The following EME1 variants were observed in gnomAD, a reference collection of about 807,000 sequenced individuals.
The protein encoded by EME1 is structure-specific endonuclease subunit EME1.
EME1 carries 61 observed loss-of-function variants against 59.1 expected under a neutral mutation model. The observed-to-expected ratio is 1.03, with a 90% CI of 0.84 to 1.28. The LOEUF (loss-of-function observed/expected upper bound fraction) is 1.28, where lower values mean the gene tolerates loss of function less well. Among genes scored for constraint, EME1 ranks in the 50% most tolerant of loss-of-function variants. EME1 has a pLI of 0.00. For missense variants in EME1, 635 were observed against 682.6 expected (o/e 0.93, Z 0.78); for synonymous variants, 230 against 254.2 (o/e 0.90, Z 0.90).
At chr17:50,376,530 A>G (rs150574313) in intron 3 of EME1, among the ~76,000 whole-genome samples, 11 of 152,308 alleles carry the variant, frequency 7.2e-5, no homozygotes, top group Non-Finnish European at 1.6e-4. Flanking sequence ...CCTGGCCACT[A>G]TCTACTAATG....
Position 50,375,790 on chromosome 17 carries a change from A to G in EME1, c.582A>G (p.Pro194=). Reference sequence around the variant, plus strand: ...CCAAAACAAATTCTGACATCCTTCCACCCCAGAAGAAAACCAAGCCGAGTC... The same window carrying G: ...CCAAAACAAATTCTGACATCCTTCCGCCCCAGAAGAAAACCAAGCCGAGTC... ...AVTKTNSDIL[P]PQKKTKPSQK... Residue 194 remains proline (P), a synonymous_variant, in exon 2 of 9, where the codon CCA becomes CCG. Transcript: ENST00000338165. 1.9e-6 allele frequency: 3 copies of G among 1,613,976 alleles called. No individual in the cohort carries two copies. Among genetic ancestry groups the G allele is most frequent in the Non-Finnish European group, 2.5e-6 (3 of 1,179,986 alleles).
In EME1 at chr17:50,375,511, A is replaced by G. The variant is rs752712544; in HGVS notation, c.303A>G (p.Thr101=). Residue 101 remains threonine (T), a synonymous_variant, in exon 2 of 9, where the codon ACA becomes ACG. Coordinates refer to ENST00000338165, the MANE Select transcript of EME1 (RefSeq NM_152463.4). ...TTATTCCTCTGGCTCAAAGGCTTAC[A>G]TGTAAGTTTCTGACCCACAAGCAAC... is the stretch of plus-strand genomic sequence containing the variant. ...EEFIPLAQRL[T]CKFLTHKQLS... 2.5e-6 allele frequency: 4 copies of G among 1,613,784 alleles called. No homozygotes were observed. Among genetic ancestry groups the G allele is most frequent in the Non-Finnish European group, 2.5e-6 (3 of 1,179,932 alleles).
At chr17:50,378,074 CT>C (rs548303320) in intron 3 of EME1, among the ~76,000 whole-genome samples, 1,677 of 140,122 alleles carry the variant, frequency 0.012, 10 homozygotes, top group African/African-American at 0.025. Context: ...TGCTATGTTC[CT>C]TTTTTTTTTT....
chr17:50,377,748 C>T (rs887500220), intron 3 of EME1, among the ~76,000 whole-genome samples: 24 of 151,834 alleles, frequency 1.6e-4, no homozygotes, highest in Non-Finnish European at 4.4e-5. Context: ...TTGCTATGTT[C>T]CTTTTTTCTC....
Position 50,377,005 on chromosome 17 carries a change from C to T in EME1, c.903+812C>T, listed in dbSNP as rs191579137. 2.6e-3 allele frequency among the ~76,000 whole-genome samples: 390 copies of T among 152,300 alleles called. 1 individual carries two copies. The highest frequency in any genetic ancestry group is 8.7e-3 in the African/African-American group (363 of 41,548). ...GCTCAAGCAATCCACCTGCCTCAGC[C>T]TCTCAAAATGCTGCGATTACAGGTG... is the stretch of plus-strand genomic sequence containing the variant. On this transcript the variant is annotated intron_variant, in intron 3 of 8. Coordinates refer to ENST00000338165, the MANE Select transcript of EME1 (RefSeq NM_152463.4).
chr17:50,375,942 C>A lies in EME1; in HGVS notation c.734C>A (p.Pro245Gln), dbSNP rs148490439. The change falls in exon 2 of 9, where the codon CCA becomes CAA. Residue 245 changes from proline to glutamine, a missense_variant. Pro to Gln is a moderately conservative substitution (Grantham distance 76). Coordinates refer to ENST00000338165, the MANE Select transcript of EME1 (RefSeq NM_152463.4). ...GTTACCAGGATGAAAGCCCAGAGGC[C>A]AGAGGAATGCTTAAAACACATCATT... ...ALVTRMKAQR[P>Q]EECLKHIIVV... The A allele has an allele frequency of 2.1e-4, 333 of 1,610,796 alleles. No individual in the cohort carries two copies. The African/African-American group carries it at 3.6e-3, about 17-fold the overall frequency.
chr17:50,380,711 G>A lies in EME1; in HGVS notation c.1537-52G>A, dbSNP rs73989349. ...GCGTAGCACCCTCCATGCTCATGGA[G>A]AAGGGATCACCATGGATGGTACCAT... On this transcript the variant is annotated intron_variant, in intron 8 of 8. Transcript: ENST00000338165. 4,541 of 1,609,176 alleles carry A rather than the reference G, an allele frequency of 2.8e-3. 106 individuals carry two copies. In the African/African-American group the frequency reaches 0.05, roughly 18 times the overall value.
In EME1 at chr17:50,380,367, G is replaced by A. The variant is rs899493741; in HGVS notation, c.1402G>A (p.Gly468Arg). 4 of 1,613,876 alleles carry A rather than the reference G, an allele frequency of 2.5e-6. No individual in the cohort carries two copies. Among genetic ancestry groups the A allele is most frequent in the Non-Finnish European group, 3.4e-6 (4 of 1,179,948 alleles). The change falls in exon 8 of 9, where the codon GGG becomes AGG. Residue 468 changes from glycine to arginine, a missense_variant. By Grantham distance (125) the Gly-to-Arg change is moderately radical. Coordinates refer to ENST00000338165, the MANE Select transcript of EME1 (RefSeq NM_152463.4). ...SFCLESDWAG[G>R]VKVDLAGRGL... ...CTGTCTGGAGAGTGACTGGGCTGGA[G>A]GGGTGAAGGTGGACCTTGCTGGCAG...
At chr17:50,377,340 T>C (rs1386753206) in intron 3 of EME1, among the ~76,000 whole-genome samples, 6 of 152,184 alleles carry the variant, frequency 3.9e-5, no homozygotes, top group Non-Finnish European at 7.3e-5. Flanking sequence ...TTAAAAGCCT[T>C]GTTGAGGATC....
intron 8 of EME1, 38 bp downstream of exon 8, chr17:50,380,539 C>T (rs1318817430): frequency 6.2e-7 from 1 of 1,600,868 alleles, no homozygotes. Context: ...CTGCCCATTG[C>T]CTGCGGGCTC....
At chr17:50,380,230 G>A in intron 7 of EME1, 82 bp from the exon 8 acceptor site, 1 of 1,398,580 alleles carries the variant, frequency 7.2e-7, no homozygotes, top group Non-Finnish European at 9.7e-7. Flanking sequence ...AGGTCAGTGG[G>A]GGGGTTTTCA....
Position 50,375,753 on chromosome 17 carries a change from G to GC in EME1, c.546dup (p.Ala184GlyfsTer8). On this transcript the variant is annotated frameshift_variant, in exon 2 of 9. Coordinates refer to ENST00000338165, the MANE Select transcript of EME1 (RefSeq NM_152463.4). LOFTEE classifies it high-confidence loss of function. ...TCTACCTGCCCTGGCCAGAGCAGCA[G>GC]CTTGGCAGTAACCAAAACAAATTCT... The GC allele has an allele frequency of 6.2e-7, 1 of 1,614,154 alleles. No homozygotes were observed. Among genetic ancestry groups the GC allele is most frequent in the Non-Finnish European group, 8.5e-7 (1 of 1,180,044 alleles).
intron 1 of EME1, among the ~76,000 whole-genome samples, chr17:50,374,270 C>G (rs1206201573): frequency 3.3e-5 from 5 of 152,148 alleles, no homozygotes; most frequent in Non-Finnish European, 7.4e-5. Context: ...CAGGGTCTCA[C>G]TCTGTCACCC....
chr17:50,375,371 T>G lies in EME1; in HGVS notation c.163T>G (p.Ser55Ala). The G allele has an allele frequency of 6.2e-7, 1 of 1,614,166 alleles. No individual in the cohort carries two copies. The highest frequency in any genetic ancestry group is 8.5e-7 in the Non-Finnish European group (1 of 1,180,030). Residue 55 changes from serine (S) to alanine (A), a missense_variant, in exon 2 of 9, where the codon TCC becomes GCC. Ser to Ala is a moderately conservative substitution (Grantham distance 99). Coordinates refer to ENST00000338165, the MANE Select transcript of EME1 (RefSeq NM_152463.4). ...GGTTGACATCTCAGATTGTGAAGCCTCCTGTCCTCCAGCACCAGAGTTATT... is the reference window on the plus strand; with the variant it reads ...GGTTGACATCTCAGATTGTGAAGCCGCCTGTCCTCCAGCACCAGAGTTATT... ...VVVDISDCEA[S>A]CPPAPELFSP...
chr17:50,376,842 G>A (rs1043654480), intron 3 of EME1, among the ~76,000 whole-genome samples: 1 of 152,188 alleles, frequency 6.6e-6, no homozygotes, highest in African/African-American at 2.4e-5. Context: ...CTCTCCTCGG[G>A]TCCCTGCTGG....
rs539048500 is a variant in EME1, at chr17:50,380,234, G to A, written c.1347-78G>A. The A allele has an allele frequency of 1.2e-4, 179 of 1,441,634 alleles. No individual in the cohort carries two copies. The African/African-American group carries it at 2.2e-3, about 18-fold the overall frequency. 89.3% of individuals were successfully genotyped at this position (1,441,634 alleles called of 1,614,324 possible). On this transcript the variant is annotated intron_variant, in intron 7 of 8. Transcript: ENST00000338165. Reference sequence around the variant, plus strand: ...CACCTCTTCCAAGGTCAGTGGGGGGGTTTTCAGTTGCCACTTGAGGGGAAC... The same window carrying A: ...CACCTCTTCCAAGGTCAGTGGGGGGATTTTCAGTTGCCACTTGAGGGGAAC...
chr17:50,378,586 C>T lies in EME1; in HGVS notation c.904-9C>T. ...CCCTCCCTGTGCTGTGTTCTGGGTA[C>T]TTTGGCAGGACAGAGAGGACTGGGT... On this transcript the variant is annotated splice_polypyrimidine_tract_variant and intron_variant, in intron 3 of 8. Transcript: ENST00000338165. The T allele has an allele frequency of 6.2e-7, 1 of 1,613,302 alleles. No individual in the cohort carries two copies. The highest frequency in any genetic ancestry group is 1.1e-5 in the South Asian group (1 of 91,018).
rs749675999 is a variant in EME1, at chr17:50,378,764, C to T, written c.991-10C>T. The T allele has an allele frequency of 4.3e-6, 7 of 1,614,200 alleles. No homozygotes were observed. Among genetic ancestry groups the T allele is most frequent in the Non-Finnish European group, 5.9e-6 (7 of 1,180,038 alleles). On this transcript the variant is annotated splice_polypyrimidine_tract_variant and intron_variant, in intron 4 of 8. Coordinates refer to ENST00000338165, the MANE Select transcript of EME1 (RefSeq NM_152463.4). Reference sequence around the variant, plus strand: ...GCAAGTATTAATGCAGTTTCTGCCCCTTCATGCAGGGAAGCCTGGACAGCA... The same window carrying T: ...GCAAGTATTAATGCAGTTTCTGCCCTTTCATGCAGGGAAGCCTGGACAGCA...
chr17:50,376,253 A>G (rs1913464314), intron 3 of EME1, 60 bp downstream of exon 3: 1 of 1,589,670 alleles, frequency 6.3e-7, no homozygotes, highest in Non-Finnish European at 8.6e-7. Context: ...CAGGATAAAT[A>G]TGCTTTTATT....
Sources: allele counts gnomAD v4.1 joint callset (sites outside exome capture counted in the v4.1 genomes callset), GRCh38; gene constraint gnomAD v4.1.1; transcripts MANE v1.5; gene names NCBI Gene and HGNC (gene_info 2026-07-23, HGNC 2026-07-21).